The following ARHGAP5 variants were observed in gnomAD, a reference collection of about 807,000 sequenced individuals.
ARHGAP5 encodes the protein Rho GTPase activating protein 5.
Under a neutral mutation model 116.6 loss-of-function variants are expected in ARHGAP5, and 23 were observed. The observed-to-expected ratio is 0.20, with a 90% CI of 0.14 to 0.28. The LOEUF is 0.28. Among genes scored for constraint, ARHGAP5 ranks in the 10% least tolerant of loss-of-function variants. ARHGAP5 has a pLI of 1.00. For synonymous variants in ARHGAP5, 574 were observed against 602.0 expected (o/e 0.95, Z 0.68); for missense variants, 1,405 against 1,774.8 (o/e 0.79, Z 3.74).
At chr14:32,082,098 A>T (rs1027300430) in intron 1 of ARHGAP5, among the ~76,000 whole-genome samples, 5 of 152,176 alleles carry the variant, frequency 3.3e-5, no homozygotes, top group African/African-American at 1.2e-4. Context: ...CTCAGGTGGT[A>T]ATGCCCGCTT....
intron 1 of ARHGAP5, among the ~76,000 whole-genome samples, chr14:32,085,986 A>G (rs2041825497): frequency 6.6e-6 from 1 of 152,160 alleles, no homozygotes; most frequent in East Asian, 1.9e-4. Flanking sequence ...TTTAATTAGT[A>G]GCTGTTATGT....
intron 3 of ARHGAP5, among the ~76,000 whole-genome samples, chr14:32,119,606 A>T (rs1019553803): frequency 6.6e-6 from 1 of 152,088 alleles, no homozygotes; most frequent in African/African-American, 2.4e-5. Flanking sequence ...CTGGTGTTTT[A>T]TTATTTTATT....
rs556561512 is a variant in ARHGAP5, at chr14:32,127,076, C to T, written c.3865+9789C>T. Among the ~76,000 whole-genome samples the T allele has an allele frequency of 1.2e-4, 18 of 150,018 alleles. No individual in the cohort carries two copies. The East Asian group carries it at 1.9e-3, about 16-fold the overall frequency. On this transcript the variant is annotated intron_variant, in intron 3 of 6. Transcript: ENST00000345122. ...ACAGTGGTGTAGTCTTGGCTCACTG[C>T]GACCTCCACCTCCTGGGTTCAAGTG...
At chr14:32,087,851 A>G (rs2041845451) in intron 1 of ARHGAP5, among the ~76,000 whole-genome samples, 1 of 152,002 alleles carries the variant, frequency 6.6e-6, no homozygotes, top group Non-Finnish European at 1.5e-5. Context: ...TGTCAAATTA[A>G]TTAGGATGTG....
chr14:32,150,550 G>T (rs1244126926), intron 5 of ARHGAP5, among the ~76,000 whole-genome samples: 1 of 152,192 alleles, frequency 6.6e-6, no homozygotes, highest in Non-Finnish European at 1.5e-5. Context: ...GGAAGGGCAA[G>T]AGAGCACACT....
intron 3 of ARHGAP5, among the ~76,000 whole-genome samples, chr14:32,137,070 T>C (rs1376008456): frequency 6.6e-6 from 1 of 151,814 alleles, no homozygotes; most frequent in Non-Finnish European, 1.5e-5. Context: ...TTTTAAATGT[T>C]AATGAAATCC....
Position 32,146,272 on chromosome 14 carries a change from C to T in ARHGAP5, c.3875C>T (p.Thr1292Ile). Residue 1292 changes from threonine (T) to isoleucine (I), a missense_variant, in exon 4 of 7, where the codon ACC becomes ATC. Thr to Ile is a moderately conservative substitution (Grantham distance 89). Around this residue, in one of 6 missense-constraint regions of ARHGAP5, gnomAD observed 176 missense variants for 221.2 expected, o/e 0.80. Coordinates refer to ENST00000345122, the MANE Select transcript of ARHGAP5 (RefSeq NM_001030055.2). ...VEFIEDTGLC[T>I]EGLYRVSGNK... The stretch of plus-strand genomic sequence containing the variant: ...TTCTTTATTCTCTTAGGGTTATGTA[C>T]CGAAGGACTCTACCGTGTCAGCGGG... 6.2e-7 allele frequency: 1 copy of T among 1,610,664 alleles called. No individual in the cohort carries two copies. The highest frequency in any genetic ancestry group is 8.5e-7 in the Non-Finnish European group (1 of 1,177,022).
chr14:32,129,768 A>G (rs1384924921), intron 3 of ARHGAP5, among the ~76,000 whole-genome samples: 2 of 151,814 alleles, frequency 1.3e-5, no homozygotes, highest in Non-Finnish European at 2.9e-5. Context: ...ACTCCCTTGC[A>G]TACTTCCTCG....
intron 2 of ARHGAP5, among the ~76,000 whole-genome samples, chr14:32,095,707 G>A (rs560583542): frequency 3.9e-5 from 6 of 151,998 alleles, no homozygotes; most frequent in Non-Finnish European, 8.8e-5. Context: ...GAGCCACCGC[G>A]CCCAGCTGTA....
In ARHGAP5 at chr14:32,091,814, A is replaced by C; in HGVS notation, c.1145A>C (p.Glu382Ala). ...TTCCAGTTATGTTTTGTGGTGCTAG[A>C]AAAAACTCCTTGGGATGAAACTGAC... ...ADFQLCFVVL[E>A]KTPWDETDHI... Residue 382 changes from glutamate (E) to alanine (A), a missense_variant, in exon 2 of 7, where the codon GAA (glutamate) becomes GCA (alanine). By Grantham distance (107) the Glu-to-Ala change is moderately radical. This residue lies in a region of ARHGAP5 where 944 missense variants were observed against 1,095.3 expected (regional missense o/e 0.86). Coordinates refer to ENST00000345122, the MANE Select transcript of ARHGAP5 (RefSeq NM_001030055.2). 6.2e-7 allele frequency: 1 copy of C among 1,613,604 alleles called. No individual in the cohort carries two copies. Among genetic ancestry groups the C allele is most frequent in the Non-Finnish European group, 8.5e-7 (1 of 1,179,616 alleles).
chr14:32,131,088 TA>T (rs1167879967), intron 3 of ARHGAP5, among the ~76,000 whole-genome samples: 3 of 152,132 alleles, frequency 2.0e-5, no homozygotes, highest in Non-Finnish European at 4.4e-5. Context: ...AACTGCAAAA[TA>T]AATACATGTT....
In ARHGAP5 at chr14:32,155,623, T is replaced by G. The variant is rs1180679219; in HGVS notation, c.*675T>G. The stretch of plus-strand genomic sequence containing the variant: ...TTGTGGCTAAAGTGAGTTGATAATG[T>G]TGTGCAAAGGATAGTTGTCACCAAC... On this transcript the variant is annotated 3_prime_UTR_variant, in exon 7 of 7. Coordinates refer to ENST00000345122, the MANE Select transcript of ARHGAP5 (RefSeq NM_001030055.2). 1 of 152,666 alleles carries G rather than the reference T, an allele frequency of 6.6e-6. No homozygotes were observed. The highest frequency in any genetic ancestry group is 1.9e-4 in the East Asian group (1 of 5,204). 9.5% of individuals were successfully genotyped at this position (152,666 alleles called of 1,614,324 possible). A position where few individuals can be genotyped will look rare whatever the true frequency, so the allele number is the denominator to read the frequency against.
chr14:32,077,466 C>T (rs540459570), intron 1 of ARHGAP5, 31 bp downstream of exon 1: 3 of 688,582 alleles, frequency 4.4e-6, no homozygotes, highest in East Asian at 2.8e-5. Flanking sequence ...CTCCTCCAAG[C>T]CTGCCTGCCC....
chr14:32,083,136 C>G (rs2041795143), intron 1 of ARHGAP5, among the ~76,000 whole-genome samples: 1 of 152,266 alleles, frequency 6.6e-6, no homozygotes, highest in African/African-American at 2.4e-5. Context: ...AAGGTTCACT[C>G]AAATCCTTCC....
chr14:32,091,393 C>G lies in ARHGAP5; in HGVS notation c.724C>G (p.Leu242Val). ...NVNIETCFTALVQMLDKTRSK... is the reference protein window; with the variant it reads ...NVNIETCFTAVVQMLDKTRSK... ...CAACATTGAAACATGTTTTACTGCA[C>G]TGGTACAAATGTTGGATAAAACTCG... is the stretch of plus-strand genomic sequence containing the variant. The change falls in exon 2 of 7, where the codon CTG becomes GTG. Residue 242 changes from leucine to valine, a missense_variant. Transcript: ENST00000345122. 6.2e-7 allele frequency: 1 copy of G among 1,611,586 alleles called. No individual in the cohort carries two copies. Among genetic ancestry groups the G allele is most frequent in the East Asian group, 2.2e-5 (1 of 44,834 alleles).
intron 3 of ARHGAP5, among the ~76,000 whole-genome samples, chr14:32,136,506 T>G (rs1305944973): frequency 6.6e-6 from 1 of 152,256 alleles, no homozygotes; most frequent in East Asian, 1.9e-4. Flanking sequence ...AGCCGTTTAT[T>G]CATTGACAAG....
chr14:32,112,146 A>G (rs1276605080), intron 2 of ARHGAP5, among the ~76,000 whole-genome samples: 1 of 152,140 alleles, frequency 6.6e-6, no homozygotes, highest in Admixed American at 6.5e-5. Context: ...CAAGAATCAC[A>G]TGTAAGAAAA....
chr14:32,139,672 C>A (rs1413754669), intron 3 of ARHGAP5, among the ~76,000 whole-genome samples: 1 of 151,418 alleles, frequency 6.6e-6, no homozygotes, highest in Admixed American at 6.6e-5. Flanking sequence ...TTGTTTGATT[C>A]TCCCTATTGT....
intron 1 of ARHGAP5, among the ~76,000 whole-genome samples, chr14:32,081,925 T>G (rs569856793): frequency 6.6e-6 from 1 of 152,334 alleles, no homozygotes; most frequent in South Asian, 2.1e-4. Flanking sequence ...TACCAGGGAC[T>G]GGTTTTGTAG....
Sources: allele counts gnomAD v4.1 joint callset (sites outside exome capture counted in the v4.1 genomes callset), GRCh38; gene constraint gnomAD v4.1.1; regional missense constraint gnomAD v4.1.1; transcripts MANE v1.5; gene names NCBI Gene and HGNC (gene_info 2026-07-23, HGNC 2026-07-21).